The following CNTN5 variants were observed in gnomAD, a reference collection of about 807,000 sequenced individuals.
CNTN5 encodes the protein contactin-5.
Under a neutral mutation model 129.1 loss-of-function variants are expected in CNTN5, and 77 were observed. The ratio of observed to expected loss-of-function variants is 0.60; its 90% CI spans 0.50 to 0.72. The LOEUF is 0.72. CNTN5 is among the 30% of genes least tolerant of loss of function. The pLI, the probability that CNTN5 is intolerant of heterozygous loss-of-function variation, is 0.00. For missense variants in CNTN5, 1,478 were observed against 1,328.8 expected (o/e 1.11, Z -1.75); for synonymous variants, 509 against 465.6 (o/e 1.09, Z -1.20).
At chr11:99,331,548 G>T (rs1565496882) in intron 2 of CNTN5, among the ~76,000 whole-genome samples, 1 of 152,016 alleles carries the variant, frequency 6.6e-6, no homozygotes, top group Non-Finnish European at 1.5e-5. Context: ...AAACACAATT[G>T]TGACAAAACA....
intron 21 of CNTN5, among the ~76,000 whole-genome samples, chr11:100,316,318 A>T (rs1951571640): frequency 6.6e-6 from 1 of 152,200 alleles, no homozygotes; most frequent in Non-Finnish European, 1.5e-5. Context: ...AGTATCGGGC[A>T]CTATGCTGGG....
rs541208323 is a variant in CNTN5 at position 99,664,597 on chromosome 11, A to G, written c.55+108328A>G. On this transcript the variant is annotated intron_variant, in intron 3 of 24. Transcript: ENST00000524871. ...AACATTTTATTACATTAGAATTATA[A>G]TTTTCTCTAATATTAGATTAATTTG... Among the ~76,000 whole-genome samples the G allele has an allele frequency of 2.9e-3, 447 of 152,286 alleles. 3 individuals are homozygous for G. The highest frequency in any genetic ancestry group is 5.6e-3 in the Non-Finnish European group (383 of 68,010).
At chr11:99,828,592 A>G (rs1947042000) in intron 4 of CNTN5, among the ~76,000 whole-genome samples, 1 of 152,224 alleles carries the variant, frequency 6.6e-6, no homozygotes, top group East Asian at 1.9e-4. Flanking sequence ...CATAGCCGAT[A>G]CCCTATGCTA....
chr11:99,588,710 A>G (rs1949886079), intron 3 of CNTN5, among the ~76,000 whole-genome samples: 1 of 152,184 alleles, frequency 6.6e-6, no homozygotes, highest in South Asian at 2.1e-4. Flanking sequence ...CATCTGGGCT[A>G]ACATCTGACC....
intron 1 of CNTN5, among the ~76,000 whole-genome samples, chr11:99,072,262 A>T (rs1456114396): frequency 6.6e-6 from 1 of 152,028 alleles, no homozygotes; most frequent in Non-Finnish European, 1.5e-5. Context: ...TTCCCAACTG[A>T]ATTTCCTTAA....
At chr11:99,888,140 A>T (rs1948948290) in intron 6 of CNTN5, among the ~76,000 whole-genome samples, 1 of 152,166 alleles carries the variant, frequency 6.6e-6, no homozygotes, top group African/African-American at 2.4e-5. Context: ...TCCCTGGCAC[A>T]TATTTATGCT....
Position 99,975,680 on chromosome 11 carries a change from T to A in CNTN5, c.877+18671T>A, listed in dbSNP as rs539795658. Among the ~76,000 whole-genome samples the A allele has an allele frequency of 4.9e-4, 75 of 151,976 alleles. 3 individuals carry two copies. The South Asian group carries it at 0.016, about 32-fold the overall frequency. ...TGGGAAAAGCCACACCTTTGAAATA[T>A]CAGATCTCATGAGAACTCTACCACC... On this transcript the variant is annotated intron_variant, in intron 8 of 24. Coordinates refer to ENST00000524871, the MANE Select transcript of CNTN5 (RefSeq NM_014361.4).
At chr11:99,689,280 C>T (rs1189305363) in intron 3 of CNTN5, among the ~76,000 whole-genome samples, 1 of 152,164 alleles carries the variant, frequency 6.6e-6, no homozygotes, top group South Asian at 2.1e-4. Flanking sequence ...GTAATCCCAG[C>T]ATTTAGGGAG....
At chr11:100,334,258 A>G (rs1415997968) in intron 21 of CNTN5, among the ~76,000 whole-genome samples, 1 of 152,212 alleles carries the variant, frequency 6.6e-6, no homozygotes, top group Non-Finnish European at 1.5e-5. Context: ...AACAATGACC[A>G]TAATGAAAAA....
Position 99,556,086 on chromosome 11 carries a change from T to C in CNTN5, c.-70-59T>C, listed in dbSNP as rs1565291421. 1.0e-5 allele frequency: 5 copies of C among 477,718 alleles called. No homozygotes were observed. The East Asian group carries it at 1.6e-4, about 16-fold the overall frequency. 29.6% of individuals were successfully genotyped at this position (477,718 alleles called of 1,614,324 possible). On this transcript the variant is annotated intron_variant, in intron 2 of 24. Coordinates refer to ENST00000524871, the MANE Select transcript of CNTN5 (RefSeq NM_014361.4). ...AGATTTTTGCATTGGTTTGTATTTG[T>C]TGGCTTTTCTGTTTGTTTATTTCCT...
At chr11:99,140,090 A>T (rs755100564) in intron 1 of CNTN5, among the ~76,000 whole-genome samples, 2 of 152,210 alleles carry the variant, frequency 1.3e-5, no homozygotes, top group Non-Finnish European at 2.9e-5. Context: ...AAACATAATG[A>T]TTTCAAAATT....
At chr11:99,889,460 G>C (rs1019914043) in intron 6 of CNTN5, among the ~76,000 whole-genome samples, 3 of 148,234 alleles carry the variant, frequency 2.0e-5, no homozygotes, top group African/African-American at 7.5e-5. Context: ...ATAGTCCTCT[G>C]TACCATTAAA....
intron 1 of CNTN5, among the ~76,000 whole-genome samples, chr11:99,109,610 G>T (rs1857688956): frequency 6.6e-6 from 1 of 152,012 alleles, no homozygotes; most frequent in Non-Finnish European, 1.5e-5. Context: ...AGAAAACCAA[G>T]TGATTACAGA....
chr11:99,113,437 C>G (rs377674896), intron 1 of CNTN5, among the ~76,000 whole-genome samples: 1 of 151,658 alleles, frequency 6.6e-6, no homozygotes, highest in Admixed American at 6.6e-5. Flanking sequence ...GAGAATAAGG[C>G]AGAAAAAAAG....
Position 100,276,539 on chromosome 11 carries a change from A to C in CNTN5, c.2314+5298A>C, listed in dbSNP as rs1017449468. Among the ~76,000 whole-genome samples the C allele has an allele frequency of 1.2e-3, 167 of 144,696 alleles. 1 individual carries two copies. In the East Asian group the frequency reaches 0.031, roughly 27 times the overall value. The allele number at this position is 144,696 out of a possible 152,430, so 94.9% of individuals were successfully genotyped here. ...AGTGAGACTCTCTCAAAAAAAAAAA[A>C]AAAAAAAAAAAAAGGAAAGAAACAC... On this transcript the variant is annotated intron_variant, in intron 18 of 24. Transcript: ENST00000524871.
At chr11:99,799,006 A>G (rs1946033232) in intron 3 of CNTN5, among the ~76,000 whole-genome samples, 1 of 151,860 alleles carries the variant, frequency 6.6e-6, no homozygotes, top group Admixed American at 6.6e-5. Context: ...ATTCCTAGGT[A>G]TTTTATTTTT....
chr11:100,029,009 C>T (rs772679274), intron 9 of CNTN5, among the ~76,000 whole-genome samples: 5 of 151,828 alleles, frequency 3.3e-5, no homozygotes, highest in Non-Finnish European at 5.9e-5. Flanking sequence ...AGAAAATGCC[C>T]GGAGGCCACA....
intron 2 of CNTN5, among the ~76,000 whole-genome samples, chr11:99,382,363 A>G (rs1940618811): frequency 6.6e-6 from 1 of 152,172 alleles, no homozygotes; most frequent in Non-Finnish European, 1.5e-5. Context: ...ACCCAAACTC[A>G]TGGGGAAGCA....
rs556591908 is a variant in CNTN5 at position 100,215,558 on chromosome 11, C to T, written c.1885-9134C>T. Among the ~76,000 whole-genome samples, 10 of 152,048 alleles carry T rather than the reference C, an allele frequency of 6.6e-5. No homozygotes were observed. In the South Asian group the frequency reaches 8.3e-4, roughly 13 times the overall value. On this transcript the variant is annotated intron_variant, in intron 15 of 24. Coordinates refer to ENST00000524871, the MANE Select transcript of CNTN5 (RefSeq NM_014361.4). ...ATTATGCAATAGTGTCATGTTCAGC[C>T]GTAATAAAATAGAGTATATCTCACC...
Sources: gnomAD v4.1 joint callset for allele counts (sites outside exome capture counted in the v4.1 genomes callset) on GRCh38, gnomAD v4.1.1 for gene constraint, MANE v1.5 for transcripts, NCBI Gene and HGNC (gene_info 2026-07-23, HGNC 2026-07-21) for gene names.